GRID2: variants seen among roughly 807,000 people sequenced by gnomAD.
GRID2 encodes the protein glutamate receptor ionotropic, delta-2.
Under a neutral mutation model 114.8 loss-of-function variants are expected in GRID2, and 33 were observed. That is an observed-to-expected ratio of 0.29 (90% CI 0.22 to 0.38). The LOEUF is 0.38. GRID2 is among the 10% of genes least tolerant of loss of function. GRID2 has a pLI of 1.00. For synonymous variants in GRID2, 505 were observed against 449.9 expected, an observed-to-expected ratio of 1.12 and a Z score of -1.55; for missense variants, 1,184 against 1,257.7, an observed-to-expected ratio of 0.94 and a Z score of 0.89.
intron 1 of GRID2, among the ~76,000 whole-genome samples, chr4:92,333,014 G>T (rs921427731): frequency 3.3e-5 from 5 of 152,118 alleles, no homozygotes; most frequent in Non-Finnish European, 7.4e-5. Context: ...ATAGTTCTGG[G>T]GTCTTGAAGG....
At chr4:92,520,326 A>G (rs1297223129) in intron 1 of GRID2, among the ~76,000 whole-genome samples, 2 of 151,846 alleles carry the variant, frequency 1.3e-5, no homozygotes, top group Non-Finnish European at 1.5e-5. Context: ...ATGAGGAAAT[A>G]AGAGAAGGAA....
intron 8 of GRID2, among the ~76,000 whole-genome samples, chr4:93,284,874 C>G (rs1312805114): frequency 6.6e-6 from 1 of 151,934 alleles, no homozygotes; most frequent in African/African-American, 2.4e-5. Flanking sequence ...GTCATTATAT[C>G]TACAACATCT....
At chr4:93,406,424 A>G (rs1766425583) in intron 9 of GRID2, among the ~76,000 whole-genome samples, 1 of 152,148 alleles carries the variant, frequency 6.6e-6, no homozygotes, top group African/African-American at 2.4e-5. Context: ...TGGTTGGCGC[A>G]TATTATCTCA....
chr4:92,685,874 A>G (rs1047319301), intron 2 of GRID2, among the ~76,000 whole-genome samples: 2 of 151,976 alleles, frequency 1.3e-5, no homozygotes, highest in Non-Finnish European at 2.9e-5. Flanking sequence ...AAACAGTCCA[A>G]CCCCTTCAGT....
chr4:93,156,261 G>T (rs1737176780), intron 4 of GRID2, among the ~76,000 whole-genome samples: 1 of 151,738 alleles, frequency 6.6e-6, no homozygotes, highest in Non-Finnish European at 1.5e-5. Context: ...AAATAGAGAG[G>T]ACTTACTTGA....
intron 4 of GRID2, among the ~76,000 whole-genome samples, chr4:93,123,697 A>G (rs1004412147): frequency 3.9e-5 from 6 of 152,154 alleles, no homozygotes; most frequent in Non-Finnish European, 8.8e-5. Flanking sequence ...CCTGAAACCT[A>G]ATCAAATAAA....
intron 2 of GRID2, among the ~76,000 whole-genome samples, chr4:92,945,849 C>G: frequency 6.6e-6 from 1 of 152,154 alleles, no homozygotes; most frequent in East Asian, 1.9e-4. Context: ...GTCTGCCTCC[C>G]AACCCTCTAA....
intron 3 of GRID2, among the ~76,000 whole-genome samples, chr4:93,097,758 A>G (rs10440323): frequency 0.47 from 70,989 of 151,566 alleles, 17,337 homozygotes; most frequent in Admixed American, 0.58. Context: ...TTTTTGATGC[A>G]GCTTTTTTCA....
intron 1 of GRID2, among the ~76,000 whole-genome samples, chr4:92,476,107 G>C (rs1288364338): frequency 6.8e-6 from 1 of 146,088 alleles, no homozygotes; most frequent in African/African-American, 2.5e-5. Context: ...CTCACTGCAA[G>C]CTCCGCCTCC....
At chr4:92,712,309 A>C (rs551691882) in intron 2 of GRID2, among the ~76,000 whole-genome samples, 1 of 152,236 alleles carries the variant, frequency 6.6e-6, no homozygotes, top group Non-Finnish European at 1.5e-5. Flanking sequence ...TATTTTTAAT[A>C]TTAAGGTATT....
At chr4:92,387,886 A>G (rs1560601229) in intron 1 of GRID2, among the ~76,000 whole-genome samples, 1 of 152,104 alleles carries the variant, frequency 6.6e-6, no homozygotes, top group East Asian at 1.9e-4. Flanking sequence ...TTCAAACATA[A>G]AAAGAATCAA....
chr4:92,756,752 A>G (rs953904579), intron 2 of GRID2, among the ~76,000 whole-genome samples: 44 of 152,010 alleles, frequency 2.9e-4, no homozygotes, highest in African/African-American at 1.1e-3. Context: ...GGTGGTTTGC[A>G]TGCCTTCTTT....
chr4:93,271,675 A>G (rs1579499728), intron 8 of GRID2, among the ~76,000 whole-genome samples: 1 of 152,308 alleles, frequency 6.6e-6, no homozygotes, highest in African/African-American at 2.4e-5. Context: ...AATACACAGA[A>G]AGGTCATAGG....
intron 2 of GRID2, among the ~76,000 whole-genome samples, chr4:92,629,771 GT>G (rs1489658098): frequency 6.8e-6 from 1 of 146,892 alleles, no homozygotes; most frequent in South Asian, 2.2e-4. Flanking sequence ...TTTAAAATAT[GT>G]TTTTTCTTTT....
At chr4:92,791,124 A>G (rs1338773032) in intron 2 of GRID2, among the ~76,000 whole-genome samples, 1 of 151,828 alleles carries the variant, frequency 6.6e-6, no homozygotes, top group Non-Finnish European at 1.5e-5. Flanking sequence ...AAAAAAAATT[A>G]TATCCCAAAT....
At chr4:93,720,906 G>A (rs1332865542) in intron 14 of GRID2, among the ~76,000 whole-genome samples, 1 of 152,134 alleles carries the variant, frequency 6.6e-6, no homozygotes, top group Non-Finnish European at 1.5e-5. Context: ...TGTTGTTGTT[G>A]TTGCTGCTGC....
intron 13 of GRID2, among the ~76,000 whole-genome samples, chr4:93,576,240 C>G (rs918176997): frequency 6.6e-6 from 1 of 152,144 alleles, no homozygotes; most frequent in African/African-American, 2.4e-5. Flanking sequence ...ATGTTTCTGG[C>G]AGCATCAATA....
intron 2 of GRID2, among the ~76,000 whole-genome samples, chr4:92,625,488 C>A (rs1449665767): frequency 1.3e-5 from 2 of 151,672 alleles, no homozygotes; most frequent in Admixed American, 6.6e-5. Context: ...TGAATTGGAA[C>A]CAGGGAAATA....
At chr4:92,520,014 T>C (rs1724687707) in intron 1 of GRID2, among the ~76,000 whole-genome samples, 1 of 151,856 alleles carries the variant, frequency 6.6e-6, no homozygotes, top group African/African-American at 2.4e-5. Flanking sequence ...ACCAAGTATC[T>C]AGGCACTCCA....
Sources: allele counts gnomAD v4.1 joint callset (sites outside exome capture counted in the v4.1 genomes callset), GRCh38; gene constraint gnomAD v4.1.1; transcripts MANE v1.5; gene names NCBI Gene and HGNC (gene_info 2026-07-23, HGNC 2026-07-21).